GHDC: variants seen among roughly 807,000 people sequenced by gnomAD.
GHDC encodes GH3 domain containing, also known as GH3 domain-containing protein.
Under a neutral mutation model 51.5 loss-of-function variants are expected in GHDC, and 39 were observed. The ratio of observed to expected loss-of-function variants is 0.76; its 90% CI spans 0.59 to 0.99. The LOEUF (loss-of-function observed/expected upper bound fraction) is 0.99, where lower values mean the gene tolerates loss of function less well. Among genes scored for constraint, GHDC ranks in the 50% least tolerant of loss-of-function variants. The pLI is 0.00. For missense variants in GHDC, 610 were observed against 672.8 expected, an observed-to-expected ratio of 0.91 and a Z score of 1.03; for synonymous variants, 282 against 305.2, an observed-to-expected ratio of 0.92 and a Z score of 0.79.
In GHDC at chr17:42,189,414, G is replaced by A. The variant is rs879618908; in HGVS notation, c.*289C>T. 5.1e-6 allele frequency: 2 copies of A among 393,262 alleles called. No individual in the cohort carries two copies. Among genetic ancestry groups the A allele is most frequent in the Non-Finnish European group, 9.0e-6 (2 of 223,166 alleles). The allele number at this position is 393,262 out of a possible 1,614,324, so 24.4% of individuals were successfully genotyped here. A position where few individuals can be genotyped will look rare whatever the true frequency, so the allele number is the denominator to read the frequency against. On this transcript the variant is annotated 3_prime_UTR_variant, in exon 10 of 10. Transcript: ENST00000587427. ...TGTGGCCACCAGAGAACCTCTTTGG[G>A]CTGTGATACAGGAAACCATCGGTGT... is the stretch of plus-strand genomic sequence containing the variant.
At position 42,193,860 on chromosome 17, in the gene GHDC, G is replaced by T. The variant is rs985094005; in HGVS notation, c.-97-10C>A. On this transcript the variant is annotated splice_polypyrimidine_tract_variant and intron_variant, in intron 1 of 9. Coordinates refer to ENST00000587427, the MANE Select transcript of GHDC (RefSeq NM_032484.5). The stretch of plus-strand genomic sequence containing the variant: ...AGCTCTGTTTCCTGATCTGCAAAAT[G>T]GGAATAAGAATAAGAATGCCTCTTT... The T allele has an allele frequency of 2.1e-6, 1 of 487,558 alleles. No individual in the cohort carries two copies. The highest frequency in any genetic ancestry group is 3.6e-6 in the Non-Finnish European group (1 of 275,572). The allele number at this position is 487,558 out of a possible 1,614,324, so 30.2% of individuals were successfully genotyped here.
rs200346068 is a variant in GHDC, at chr17:42,192,907, T to C, written c.386A>G (p.Gln129Arg). The change falls in exon 4 of 10, where the codon CAG becomes CGG. Residue 129 changes from glutamine (Q) to arginine (R), a missense_variant and splice_region_variant. By Grantham distance (43) the Gln-to-Arg change is conservative. Around this residue, in one of 2 missense-constraint regions of GHDC, gnomAD observed 198 missense variants for 262.3 expected, o/e 0.75. Transcript: ENST00000587427. Reference protein sequence around the residue: ...SNQDLGEASLQATLLGLAALN... With the variant: ...SNQDLGEASLRATLLGLAALN... ...TGGGCTCTGGCCATCCTAGATTACC[T>C]GCAGAGAGGCCTCCCCAAGGTCCTG... 46 of 1,613,880 alleles carry C rather than the reference T, an allele frequency of 2.9e-5. No individual in the cohort carries two copies. Among genetic ancestry groups the C allele is most frequent in the Middle Eastern group, 3.3e-4 (2 of 6,042 alleles).
intron 5 of GHDC, among the ~76,000 whole-genome samples, chr17:42,191,453 T>G (rs895908816): frequency 5.3e-5 from 8 of 152,002 alleles, no homozygotes; most frequent in African/African-American, 1.9e-4. Context: ...CCACATGAAT[T>G]TGTGCAAGAC....
At chr17:42,193,130 G>T (rs2079982873) in intron 3 of GHDC, 103 bp from the exon 4 acceptor site, 1 of 1,568,116 alleles carries the variant, frequency 6.4e-7, no homozygotes, top group South Asian at 1.1e-5. Flanking sequence ...AATAGGCCTG[G>T]GGTAGAGAGG....
At chr17:42,192,206 T>C (rs775293979) in intron 5 of GHDC, 35 bp downstream of exon 5, 11 of 1,512,748 alleles carry the variant, frequency 7.3e-6, no homozygotes, top group Non-Finnish European at 9.7e-6. Flanking sequence ...CCACTGACCG[T>C]TGCCCCCACC....
rs762959016 is a variant in GHDC, at chr17:42,192,943, G to A, written c.350C>T (p.Pro117Leu). Reference sequence around the variant, plus strand: ...CTCCCCAAGGTCCTGGTTTGAGGTCGGGGGCAGTGGCTGCTCTCCACTGTC... The same window carrying A: ...CTCCCCAAGGTCCTGGTTTGAGGTCAGGGGCAGTGGCTGCTCTCCACTGTC... ...QEDSGEQPLPPTSNQDLGEAS... is the reference protein window; with the variant it reads ...QEDSGEQPLPLTSNQDLGEAS... Residue 117 changes from proline to leucine, a missense_variant, in exon 4 of 10, where the codon CCG becomes CTG. Transcript: ENST00000587427. 1.2e-6 allele frequency: 2 copies of A among 1,614,016 alleles called. No homozygotes were observed. Among genetic ancestry groups the A allele is most frequent in the East Asian group, 2.2e-5 (1 of 44,872 alleles).
At position 42,193,394 on chromosome 17, in the gene GHDC, T is replaced by A. The variant is rs372702776; in HGVS notation, c.188A>T (p.His63Leu). The change falls in exon 3 of 10, where the codon CAC (histidine) becomes CTC (leucine). Residue 63 changes from histidine (H) to leucine (L), a missense_variant. By Grantham distance (99) the His-to-Leu change is moderately conservative. This residue lies in a region of GHDC where 198 missense variants were observed against 262.3 expected (regional missense o/e 0.75). Transcript: ENST00000587427. ...CCTCAGGGCCTGCTGCTGGCTCTGG[T>A]GCACATGGAGCGTGCTCTGCTCCAG... ...RRLEQSTLHV[H>L]QSQQQALRWC... 2.0e-5 allele frequency: 32 copies of A among 1,595,922 alleles called. No individual in the cohort carries two copies. The African/African-American group carries it at 4.0e-4, about 20-fold the overall frequency.
chr17:42,190,217 G>GC lies in GHDC; in HGVS notation c.1341dup (p.Leu448AlafsTer126). The GC allele has an allele frequency of 6.2e-7, 1 of 1,614,098 alleles. No individual in the cohort carries two copies. Among genetic ancestry groups the GC allele is most frequent in the Non-Finnish European group, 8.5e-7 (1 of 1,180,014 alleles). On this transcript the variant is annotated frameshift_variant, in exon 9 of 10. Transcript: ENST00000587427. LOFTEE classifies it high-confidence loss of function. ...CGATTTTCCTCTGACAGATTCCTCA[G>GC]CCCCCTCAGCGCCACAAACACCTCG... is the stretch of plus-strand genomic sequence containing the variant.
intron 8 of GHDC, 63 bp downstream of exon 8, chr17:42,190,561 A>G: frequency 1.3e-6 from 2 of 1,556,154 alleles, no homozygotes; most frequent in East Asian, 2.3e-5. Context: ...GTCCCCTGGC[A>G]GGGGAGGTAG....
chr17:42,192,233 C>T lies in GHDC; in HGVS notation c.889+8G>A. The T allele has an allele frequency of 6.6e-7, 1 of 1,524,490 alleles. No homozygotes were observed. The allele number at this position is 1,524,490 out of a possible 1,614,324, so 94.4% of individuals were successfully genotyped here. Reference sequence around the variant, plus strand: ...GCCCCCACCTCACTGCCCTTGAGTCCCACTGACCTCCCGAGGCAGCATAAG... The same window carrying T: ...GCCCCCACCTCACTGCCCTTGAGTCTCACTGACCTCCCGAGGCAGCATAAG... On this transcript the variant is annotated splice_region_variant and intron_variant, in intron 5 of 9. Transcript: ENST00000587427.
chr17:42,192,136 T>C (rs1348131289), intron 5 of GHDC, 105 bp downstream of exon 5: 5 of 1,383,272 alleles, frequency 3.6e-6, no homozygotes, highest in African/African-American at 2.9e-5. Flanking sequence ...ATGCAGCTTG[T>C]TGGGGAGGAT....
chr17:42,191,280 T>TG, intron 5 of GHDC, 70 bp from the exon 6 acceptor site: 1 of 1,402,230 alleles, frequency 7.1e-7, no homozygotes, highest in Non-Finnish European at 9.4e-7. Flanking sequence ...TAGCCCCTCC[T>TG]GGATCCCAGG....
At position 42,193,312 on chromosome 17, in the gene GHDC, C is replaced by T; in HGVS notation, c.265+5G>A. ...GGTCACCTCCCCAGACCCTGGGAAA[C>T]ACACCTGTGCTCCTTCTGAGGGAAC... On this transcript the variant is annotated splice_donor_5th_base_variant and intron_variant, in intron 3 of 9. Coordinates refer to ENST00000587427, the MANE Select transcript of GHDC (RefSeq NM_032484.5). 6.3e-7 allele frequency: 1 copy of T among 1,591,540 alleles called. No homozygotes were observed. The highest frequency in any genetic ancestry group is 8.6e-7 in the Non-Finnish European group (1 of 1,168,714).
Position 42,193,668 on chromosome 17 carries a change from A to G in GHDC, c.-13-74T>C. 2.1e-6 allele frequency: 3 copies of G among 1,437,660 alleles called. 1 individual carries two copies. The highest frequency in any genetic ancestry group is 2.9e-5 in the South Asian group (2 of 69,972). The allele number at this position is 1,437,660 out of a possible 1,614,324, so 89.1% of individuals were successfully genotyped here. A position where few individuals can be genotyped will look rare whatever the true frequency, so the allele number is the denominator to read the frequency against. ...TTTCTCCTCCCACGCTCTACTGCAT[A>G]CAGGAAAACCGAGGAAAAATGAAAT... On this transcript the variant is annotated intron_variant, in intron 2 of 9. Transcript: ENST00000587427.
rs372195675 is a variant in GHDC, at chr17:42,189,317, G to A, written c.*386C>T. 29 of 395,028 alleles carry A rather than the reference G, an allele frequency of 7.3e-5. No individual in the cohort carries two copies. In the South Asian group the frequency reaches 3.7e-3, roughly 50 times the overall value. The allele number at this position is 395,028 out of a possible 1,614,324, so 24.5% of individuals were successfully genotyped here. ...TGAGGTCCTGCTCCTTATTGACTCA[G>A]GGTTGCTGCTCCTGGGGACATTAAC... On this transcript the variant is annotated 3_prime_UTR_variant, in exon 10 of 10. Transcript: ENST00000587427.
At position 42,192,895 on chromosome 17, in the gene GHDC, T is replaced by C; in HGVS notation, c.387+11A>G. The C allele has an allele frequency of 6.2e-7, 1 of 1,613,610 alleles. No individual in the cohort carries two copies. The highest frequency in any genetic ancestry group is 8.5e-7 in the Non-Finnish European group (1 of 1,179,866). On this transcript the variant is annotated intron_variant, in intron 4 of 9. Transcript: ENST00000587427. ...TGTGGCCAGGACTGGGCTCTGGCCATCCTAGATTACCTGCAGAGAGGCCTC... is the reference window on the plus strand; with the variant it reads ...TGTGGCCAGGACTGGGCTCTGGCCACCCTAGATTACCTGCAGAGAGGCCTC...
Position 42,189,675 on chromosome 17 carries a change from G to A in GHDC, c.*28C>T. 2 of 1,273,138 alleles carry A rather than the reference G, an allele frequency of 1.6e-6. No homozygotes were observed. Among genetic ancestry groups the A allele is most frequent in the Non-Finnish European group, 2.1e-6 (2 of 957,672 alleles). The allele number at this position is 1,273,138 out of a possible 1,614,324, so 78.9% of individuals were successfully genotyped here. A position where few individuals can be genotyped will look rare whatever the true frequency, so the allele number is the denominator to read the frequency against. On this transcript the variant is annotated 3_prime_UTR_variant, in exon 10 of 10. Transcript: ENST00000587427. ...GGGAGGGGCGAGGTGGCCTCTGGGG[G>A]GAGCTGGGCGGTGGGGCAGGACTTG...
intron 9 of GHDC, 84 bp from the exon 10 acceptor site, chr17:42,190,005 T>C: frequency 7.4e-7 from 1 of 1,356,348 alleles, no homozygotes; most frequent in Non-Finnish European, 1.0e-6. Flanking sequence ...AGGCTACATG[T>C]GTTTAGAAGT....
At chr17:42,193,118 A>G in intron 3 of GHDC, 91 bp from the exon 4 acceptor site, 1 of 1,589,038 alleles carries the variant, frequency 6.3e-7, no homozygotes, top group Non-Finnish European at 8.6e-7. Flanking sequence ...GGAGGAACCG[A>G]GAATAGGCCT....
Sources: allele counts gnomAD v4.1 joint callset (sites outside exome capture counted in the v4.1 genomes callset), GRCh38; gene constraint gnomAD v4.1.1; regional missense constraint gnomAD v4.1.1; transcripts MANE v1.5; gene names NCBI Gene and HGNC (gene_info 2026-07-23, HGNC 2026-07-21).